Variants in DACH1 observed in about 807,000 individuals in gnomAD.
DACH1 encodes dachshund family transcription factor 1.
A neutral mutation model predicts 54.2 loss-of-function variants in DACH1; 12 were observed. The ratio of observed to expected loss-of-function variants is 0.22; its 90% CI spans 0.14 to 0.36. The LOEUF (loss-of-function observed/expected upper bound fraction) is 0.36. Ranked by LOEUF, DACH1 falls within the 10% of genes least tolerant of loss-of-function variation. The probability of loss-of-function intolerance (pLI) is 1.00; values close to 1 mark genes in which losing one functional copy is unlikely to be tolerated. For synonymous variants in DACH1, 386 were observed against 366.2 expected, an observed-to-expected ratio of 1.05 and a Z score of -0.62; for missense variants, 805 against 929.8, an observed-to-expected ratio of 0.87 and a Z score of 1.75.
chr13:71,565,729 G>A (rs903274170), intron 4 of DACH1, among the ~76,000 whole-genome samples: 1 of 152,042 alleles, frequency 6.6e-6, no homozygotes, highest in Non-Finnish European at 1.5e-5. Flanking sequence ...TTCTAAACAT[G>A]AAACTGGCAA....
chr13:71,760,763 A>G (rs373965058), intron 1 of DACH1, among the ~76,000 whole-genome samples: 1 of 152,078 alleles, frequency 6.6e-6, no homozygotes, highest in Non-Finnish European at 1.5e-5. Flanking sequence ...TCAAAATTCT[A>G]TGTGTCTTTT....
At chr13:71,708,441 G>A (rs145753276) in intron 1 of DACH1, among the ~76,000 whole-genome samples, 1 of 152,124 alleles carries the variant, frequency 6.6e-6, no homozygotes, top group East Asian at 1.9e-4. Context: ...TACAGATCTG[G>A]AGAAAGAGAT....
intron 3 of DACH1, among the ~76,000 whole-genome samples, chr13:71,579,719 G>C (rs1218414797): frequency 6.6e-6 from 1 of 152,012 alleles, no homozygotes; most frequent in East Asian, 1.9e-4. Flanking sequence ...ATTTCAGAAA[G>C]TTTTGATGCA....
intron 6 of DACH1, among the ~76,000 whole-genome samples, chr13:71,529,344 G>A (rs1224548167): frequency 2.6e-5 from 4 of 151,684 alleles, no homozygotes; most frequent in Non-Finnish European, 5.9e-5. Flanking sequence ...TTGACACCAC[G>A]CCCAGCTATT....
chr13:71,605,995 C>T (rs996307123), intron 3 of DACH1, among the ~76,000 whole-genome samples: 19 of 152,188 alleles, frequency 1.2e-4, no homozygotes, highest in African/African-American at 4.6e-4. Flanking sequence ...ACTCACCTAT[C>T]TCACTGAAGC....
chr13:71,622,940 A>G (rs753582253), intron 3 of DACH1, among the ~76,000 whole-genome samples: 5 of 151,766 alleles, frequency 3.3e-5, no homozygotes, highest in Admixed American at 6.6e-5. Flanking sequence ...AACTGTCCAT[A>G]TAAGTAAAAA....
chr13:71,658,667 A>G (rs1426178368), intron 2 of DACH1, among the ~76,000 whole-genome samples: 4 of 152,202 alleles, frequency 2.6e-5, no homozygotes, highest in Admixed American at 2.6e-4. Context: ...TATTAGCTAT[A>G]ATATATTTCA....
rs1356216382 is a variant in DACH1 at position 71,750,346 on chromosome 13, A to G, written c.849-68436T>C. Among the ~76,000 whole-genome samples, 5 of 152,192 alleles carry G rather than the reference A, an allele frequency of 3.3e-5. No individual in the cohort carries two copies. The East Asian group carries it at 9.6e-4, about 29-fold the overall frequency. ...CTTGGACTAAGAAACTGTACCTTAC[A>G]CTGCCGCAAAAATGCCACATCTGTG... is the stretch of plus-strand genomic sequence containing the variant. On this transcript the variant is annotated intron_variant, in intron 1 of 10. Coordinates refer to ENST00000613252, the MANE Select transcript of DACH1 (RefSeq NM_080759.6).
At position 71,845,962 on chromosome 13, in the gene DACH1, A is replaced by G. The variant is rs1004070892; in HGVS notation, c.848+19960T>C. On this transcript the variant is annotated intron_variant, in intron 1 of 10. Transcript: ENST00000613252. ...GGAGCCTATGGGGCCTGCTGGGAAC[A>G]GGACTTCTAAAAGAAAATACGTCTG... 7.5e-5 allele frequency: 13 copies of G among 172,364 alleles called. No homozygotes were observed. The East Asian group carries it at 1.8e-3, about 25-fold the overall frequency. 10.7% of individuals were successfully genotyped at this position (172,364 alleles called of 1,614,324 possible).
chr13:71,581,116 G>C (rs1254268271), intron 3 of DACH1, among the ~76,000 whole-genome samples: 3 of 150,862 alleles, frequency 2.0e-5, no homozygotes, highest in African/African-American at 7.3e-5. Flanking sequence ...TTTGAGCTGA[G>C]AGCTTCAAAT....
rs115345177 is a variant in DACH1, at chr13:71,834,295, A to G, written c.848+31627T>C. On this transcript the variant is annotated intron_variant, in intron 1 of 10. Coordinates refer to ENST00000613252, the MANE Select transcript of DACH1 (RefSeq NM_080759.6). ...ATTTAAAACTGAGCAGTGGAAAGAG[A>G]ATGGGTGCTGATACAGCAAACGTTA... is the stretch of plus-strand genomic sequence containing the variant. 1.4e-3 allele frequency among the ~76,000 whole-genome samples: 216 copies of G among 152,126 alleles called. 1 individual carries two copies. The highest frequency in any genetic ancestry group is 5.1e-3 in the African/African-American group (210 of 41,542).
chr13:71,807,419 CAAAAAAAAAAAA>C (rs10688170), intron 1 of DACH1, among the ~76,000 whole-genome samples: 1 of 99,722 alleles, frequency 1.0e-5, no homozygotes, highest in African/African-American at 4.1e-5. Flanking sequence ...TCACAGATTG[CAAAAAAAAAAAA>C]AAAAAAAAAT....
intron 10 of DACH1, among the ~76,000 whole-genome samples, chr13:71,449,532 G>C (rs1220041223): frequency 6.6e-6 from 1 of 151,846 alleles, no homozygotes; most frequent in Non-Finnish European, 1.5e-5. Context: ...TCAGGGGTTG[G>C]GGGCTAGGGG....
intron 1 of DACH1, among the ~76,000 whole-genome samples, chr13:71,691,069 C>G (rs969107523): frequency 3.3e-4 from 51 of 152,258 alleles, no homozygotes; most frequent in African/African-American, 1.1e-3. Flanking sequence ...TTTGTTTGAG[C>G]CAAAAGCAAT....
At chr13:71,832,997 A>G (rs1031049320) in intron 1 of DACH1, among the ~76,000 whole-genome samples, 5 of 151,944 alleles carry the variant, frequency 3.3e-5, no homozygotes, top group African/African-American at 1.2e-4. Context: ...TTTTATTTTT[A>G]ATGAAATCCA....
intron 1 of DACH1, among the ~76,000 whole-genome samples, chr13:71,735,211 T>TACGGG (rs1883979071): frequency 1.3e-5 from 2 of 150,136 alleles, no homozygotes; most frequent in African/African-American, 4.9e-5. Flanking sequence ...GATACACGTA[T>TACGGG]ATGGGATATA....
At position 71,557,080 on chromosome 13, in the gene DACH1, C is replaced by T. The variant is rs778155363; in HGVS notation, c.1514G>A (p.Gly505Glu). 6.2e-7 allele frequency: 1 copy of T among 1,611,614 alleles called. No individual in the cohort carries two copies. Among genetic ancestry groups the T allele is most frequent in the South Asian group, 1.1e-5 (1 of 90,868 alleles). The change falls in exon 6 of 11, where the codon GGA becomes GAA. Residue 505 changes from glycine (G) to glutamate (E), a missense_variant. Gly to Glu is a moderately conservative substitution (Grantham distance 98). This residue lies in a region of DACH1 where 472 missense variants were observed against 545.3 expected (regional missense o/e 0.87). Transcript: ENST00000613252. ...SPNVLPGPKE[G>E]DLAGHDMGHE... is the part of the protein sequence containing the mutation. The stretch of plus-strand genomic sequence containing the variant: ...TCCCATGTCATGACCGGCCAAATCT[C>T]CCTCTTTGGGCCCAGGAAGTACATT...
chr13:71,685,028 A>G (rs1566431203), intron 1 of DACH1, among the ~76,000 whole-genome samples: 1 of 152,178 alleles, frequency 6.6e-6, no homozygotes, highest in Non-Finnish European at 1.5e-5. Flanking sequence ...GGAAGTTAAA[A>G]GATTTGAAAT....
Position 71,681,853 on chromosome 13 carries a change from A to C in DACH1, c.906T>G (p.Ser302=). 1 of 1,614,036 alleles carries C rather than the reference A, an allele frequency of 6.2e-7. No homozygotes were observed. The highest frequency in any genetic ancestry group is 8.5e-7 in the Non-Finnish European group (1 of 1,179,930). The change falls in exon 2 of 11, where the codon TCT becomes TCG. Residue 302 remains serine, a synonymous_variant. Transcript: ENST00000613252. Reference sequence around the variant, plus strand: ...CAGGGACAGAATGCGGCATGATGTGAGAGTTCTCTGGGGAGGTGACACTTT... The same window carrying C: ...CAGGGACAGAATGCGGCATGATGTGCGAGTTCTCTGGGGAGGTGACACTTT... The part of the protein sequence containing the change: ...RTQSVTSPEN[S]HIMPHSVPGL...
Sources: gnomAD v4.1 joint callset for allele counts (sites outside exome capture counted in the v4.1 genomes callset) on GRCh38, gnomAD v4.1.1 for gene constraint, gnomAD v4.1.1 regional missense constraint, MANE v1.5 for transcripts, NCBI Gene and HGNC (gene_info 2026-07-23, HGNC 2026-07-21) for gene names.